The following PTGS1 variants were observed in gnomAD, a reference collection of about 807,000 sequenced individuals.
PTGS1 encodes the protein prostaglandin G/H synthase 1.
A neutral mutation model predicts 63.0 loss-of-function variants in PTGS1; 40 were observed. The ratio of observed to expected loss-of-function variants is 0.63; its 90% confidence interval spans 0.49 to 0.83. The LOEUF is 0.83. Ranked by LOEUF, PTGS1 falls within the 40% of genes least tolerant of loss-of-function variation. PTGS1 has a pLI of 0.00. For missense variants in PTGS1, 709 were observed against 786.5 expected (o/e 0.90, Z 1.18); for synonymous variants, 298 against 301.9 (o/e 0.99, Z 0.13).
rs1838366181 is a variant in PTGS1, at chr9:122,392,747, G to C, written c.*203G>C. ...TTCCAGAATGCTGAACTCCTTGTTA[G>C]CCCTTCAGATTGTTAGGAGTGGTTC... On this transcript the variant is annotated 3_prime_UTR_variant, in exon 11 of 11. Transcript: ENST00000362012. The C allele has an allele frequency of 3.7e-6, 2 of 546,138 alleles. No homozygotes were observed. The highest frequency in any genetic ancestry group is 6.4e-6 in the Non-Finnish European group (2 of 311,898). The allele number at this position is 546,138 out of a possible 1,614,324, so 33.8% of individuals were successfully genotyped here.
Position 122,392,770 on chromosome 9 carries a change from T to C in PTGS1, c.*226T>C. 1 of 481,498 alleles carries C rather than the reference T, an allele frequency of 2.1e-6. No individual in the cohort carries two copies. Among genetic ancestry groups the C allele is most frequent in the Non-Finnish European group, 3.7e-6 (1 of 272,646 alleles). 29.8% of individuals were successfully genotyped at this position (481,498 alleles called of 1,614,324 possible). ...TAGCCCTTCAGATTGTTAGGAGTGG[T>C]TCTCATTTGGTCTGCCAGAATACTG... On this transcript the variant is annotated 3_prime_UTR_variant, in exon 11 of 11. Coordinates refer to ENST00000362012, the MANE Select transcript of PTGS1 (RefSeq NM_000962.4).
rs1838501634 is a variant in PTGS1 at position 122,395,044 on chromosome 9, G to C, written c.*2500G>C. ...GCACCCTCGAGAAGGGTGGATGACAGGGCAGAGCAGGAAGGACAGGAAGCT... is the reference window on the plus strand; with the variant it reads ...GCACCCTCGAGAAGGGTGGATGACACGGCAGAGCAGGAAGGACAGGAAGCT... On this transcript the variant is annotated 3_prime_UTR_variant, in exon 11 of 11. Coordinates refer to ENST00000362012, the MANE Select transcript of PTGS1 (RefSeq NM_000962.4). 6.6e-6 allele frequency: 1 copy of C among 152,382 alleles called. No individual in the cohort carries two copies. The highest frequency in any genetic ancestry group is 1.5e-5 in the Non-Finnish European group (1 of 68,244). 9.4% of individuals were successfully genotyped at this position (152,382 alleles called of 1,614,324 possible). A position where few individuals can be genotyped will look rare whatever the true frequency, so the allele number is the denominator to read the frequency against.
intron 2 of PTGS1, among the ~76,000 whole-genome samples, chr9:122,376,769 T>C (rs1164739709): frequency 6.6e-6 from 1 of 152,230 alleles, no homozygotes; most frequent in African/African-American, 2.4e-5. Flanking sequence ...TCTGTTCTGT[T>C]TCCTTGGCCA....
At chr9:122,376,901 T>C (rs1363344102) in intron 2 of PTGS1, among the ~76,000 whole-genome samples, 2 of 152,170 alleles carry the variant, frequency 1.3e-5, no homozygotes, top group African/African-American at 4.8e-5. Flanking sequence ...GAGGCAGATT[T>C]AGCAAGGGGG....
chr9:122,391,434 T>C (rs1461696303), intron 10 of PTGS1, among the ~76,000 whole-genome samples: 2 of 123,568 alleles, frequency 1.6e-5, no homozygotes, highest in East Asian at 2.0e-4. Flanking sequence ...TATACATATA[T>C]ATATATATAT....
At chr9:122,385,823 A>C (rs1036166895) in intron 8 of PTGS1, among the ~76,000 whole-genome samples, 2 of 152,082 alleles carry the variant, frequency 1.3e-5, no homozygotes, top group Non-Finnish European at 1.5e-5. Context: ...GGAGGTCATA[A>C]GACCAATTCT....
chr9:122,379,122 A>G (rs1211803061), intron 5 of PTGS1, among the ~76,000 whole-genome samples: 3 of 152,168 alleles, frequency 2.0e-5, no homozygotes, highest in Non-Finnish European at 2.9e-5. Flanking sequence ...AGTCAGACCA[A>G]TGTTTCCATA....
At position 122,383,721 on chromosome 9, in the gene PTGS1, G is replaced by A. The variant is rs770000620; in HGVS notation, c.975G>A (p.Glu325=). The part of the protein sequence containing the change: ...LKAEHPTWGD[E]QLFQTTRLIL... ...CTGAGCACCCCACCTGGGGCGATGA[G>A]CAGCTTTTCCAGACGACCCGCCTCA... Residue 325 remains glutamate, a synonymous_variant, in exon 8 of 11, where the codon GAG becomes GAA. Transcript: ENST00000362012. 2.5e-6 allele frequency: 4 copies of A among 1,613,268 alleles called. No homozygotes were observed. In the African/African-American group the frequency reaches 5.3e-5, roughly 22 times the overall value.
intron 2 of PTGS1, among the ~76,000 whole-genome samples, chr9:122,377,605 C>T (rs1225161979): frequency 6.6e-6 from 1 of 152,110 alleles, no homozygotes; most frequent in African/African-American, 2.4e-5. Flanking sequence ...GGAATCTTCT[C>T]CTGCCGCCGT....
intron 9 of PTGS1, among the ~76,000 whole-genome samples, chr9:122,387,113 C>T (rs941646967): frequency 8.6e-5 from 13 of 151,806 alleles, no homozygotes; most frequent in Admixed American, 2.6e-4. Context: ...GAAAAGCCCA[C>T]CATGCTCTGG....
At position 122,382,961 on chromosome 9, in the gene PTGS1, G is replaced by T. The variant is rs963670297; in HGVS notation, c.763-548G>T. Among the ~76,000 whole-genome samples, 3 of 152,268 alleles carry T rather than the reference G, an allele frequency of 2.0e-5. No homozygotes were observed. The South Asian group carries it at 6.2e-4, about 32-fold the overall frequency. Reference sequence around the variant, plus strand: ...TGGGAGAGGGCTTTCCAGGTAGAGGGTTTAGCAAGTACAAAAGCTTAGAGG... The same window carrying T: ...TGGGAGAGGGCTTTCCAGGTAGAGGTTTTAGCAAGTACAAAAGCTTAGAGG... On this transcript the variant is annotated intron_variant, in intron 7 of 10. Coordinates refer to ENST00000362012, the MANE Select transcript of PTGS1 (RefSeq NM_000962.4).
chr9:122,387,202 G>A (rs1837924246), intron 9 of PTGS1, among the ~76,000 whole-genome samples: 2 of 151,914 alleles, frequency 1.3e-5, no homozygotes, highest in African/African-American at 4.8e-5. Flanking sequence ...TGGAAGGAGG[G>A]ATAGAGATTT....
At chr9:122,385,496 A>G (rs1837818882) in intron 8 of PTGS1, among the ~76,000 whole-genome samples, 1 of 151,562 alleles carries the variant, frequency 6.6e-6, no homozygotes. Context: ...ATTTTGTTAC[A>G]GAATGTTCAA....
At chr9:122,375,865 C>G (rs1170326426) in intron 2 of PTGS1, among the ~76,000 whole-genome samples, 2 of 152,078 alleles carry the variant, frequency 1.3e-5, no homozygotes, top group Non-Finnish European at 2.9e-5. Flanking sequence ...CCTGCTGTGG[C>G]AGGGATGGGG....
Position 122,383,703 on chromosome 9 carries a change from C to T in PTGS1, c.957C>T (p.His319=), listed in dbSNP as rs757747538. ...NRVCDLLKAE[H]PTWGDEQLFQ... ...TGTGTGACCTGCTGAAGGCTGAGCA[C>T]CCCACCTGGGGCGATGAGCAGCTTT... is the stretch of plus-strand genomic sequence containing the variant. Residue 319 remains histidine, a synonymous_variant, in exon 8 of 11, where the codon CAC becomes CAT. Transcript: ENST00000362012. The T allele has an allele frequency of 3.1e-6, 5 of 1,613,924 alleles. No individual in the cohort carries two copies. In the East Asian group the frequency reaches 6.7e-5, roughly 22 times the overall value.
chr9:122,381,764 G>T lies in PTGS1; in HGVS notation c.762+17G>T, dbSNP rs200316198. ...AAGTACCAGGTAGTGCTGGGCCAGG[G>T]GGTAGGGCAGAGGGAGGGGTCTCCC... On this transcript the variant is annotated intron_variant, in intron 7 of 10. Coordinates refer to ENST00000362012, the MANE Select transcript of PTGS1 (RefSeq NM_000962.4). 4 of 1,608,122 alleles carry T rather than the reference G, an allele frequency of 2.5e-6. No homozygotes were observed. The highest frequency in any genetic ancestry group is 2.6e-6 in the Non-Finnish European group (3 of 1,175,394).
At chr9:122,379,704 G>A (rs970356661) in intron 5 of PTGS1, among the ~76,000 whole-genome samples, 1 of 152,194 alleles carries the variant, frequency 6.6e-6, no homozygotes, top group Admixed American at 6.5e-5. Flanking sequence ...TGCCAACTTT[G>A]CTGAAATCAT....
At position 122,378,428 on chromosome 9, in the gene PTGS1, T is replaced by C. The variant is rs756948049; in HGVS notation, c.212-5T>C. On this transcript the variant is annotated splice_polypyrimidine_tract_variant and splice_region_variant and intron_variant, in intron 3 of 10. Transcript: ENST00000362012. Reference sequence around the variant, plus strand: ...CCAACTGAGTGACTGCCATTGCCCCTGCAGCTGGCCTGTGGACCTGGCTCC... The same window carrying C: ...CCAACTGAGTGACTGCCATTGCCCCCGCAGCTGGCCTGTGGACCTGGCTCC... 3.7e-6 allele frequency: 6 copies of C among 1,613,438 alleles called. No individual in the cohort carries two copies. The highest frequency in any genetic ancestry group is 3.3e-5 in the South Asian group (3 of 91,088).
At position 122,385,363 on chromosome 9, in the gene PTGS1, A is replaced by T. The variant is rs958545580; in HGVS notation, c.1010-1083A>T. Among the ~76,000 whole-genome samples, 7 of 152,076 alleles carry T rather than the reference A, an allele frequency of 4.6e-5. 1 individual carries two copies. The highest frequency in any genetic ancestry group is 1.0e-4 in the Non-Finnish European group (7 of 68,022). On this transcript the variant is annotated intron_variant, in intron 8 of 10. Coordinates refer to ENST00000362012, the MANE Select transcript of PTGS1 (RefSeq NM_000962.4). Reference sequence around the variant, plus strand: ...GGTGGCTGGAAATGGTAAAGCCAAGATTTGAATCCAGGTCTGCTGATCCCA... The same window carrying T: ...GGTGGCTGGAAATGGTAAAGCCAAGTTTTGAATCCAGGTCTGCTGATCCCA...
Sources: allele counts gnomAD v4.1 joint callset (sites outside exome capture counted in the v4.1 genomes callset), GRCh38; gene constraint gnomAD v4.1.1; transcripts MANE v1.5; gene names NCBI Gene and HGNC (gene_info 2026-07-23, HGNC 2026-07-21).